The following IQCH variants were observed in gnomAD, a reference collection of about 807,000 sequenced individuals.
The protein encoded by IQCH is IQ domain-containing protein H.
In IQCH, 98 loss-of-function variants were observed where a neutral mutation model predicts 117.0. The ratio of observed to expected loss-of-function variants is 0.84; its 90% CI spans 0.71 to 0.99. IQCH has a LOEUF of 0.99. IQCH is among the 50% of genes least tolerant of loss of function. The probability of loss-of-function intolerance (pLI) is 0.00; values close to 1 mark genes in which losing one functional copy is unlikely to be tolerated. For synonymous variants in IQCH, 412 were observed against 448.2 expected (o/e 0.92, Z 1.02); for missense variants, 1,102 against 1,243.8 (o/e 0.89, Z 1.72).
intron 4 of IQCH, among the ~76,000 whole-genome samples, chr15:67,313,267 G>A (rs1291087664): frequency 6.6e-6 from 1 of 152,106 alleles, no homozygotes; most frequent in Admixed American, 6.5e-5. Context: ...GAGAATCAGA[G>A]GACTTGGGTT....
intron 6 of IQCH, among the ~76,000 whole-genome samples, chr15:67,355,799 C>T (rs764756228): frequency 7.9e-5 from 12 of 152,160 alleles, no homozygotes; most frequent in African/African-American, 2.9e-4. Context: ...TCATAAAATC[C>T]AAGGCCACAT....
Position 67,344,025 on chromosome 15 carries a change from T to G in IQCH, c.509-38T>G, listed in dbSNP as rs755077195. 24 of 1,586,904 alleles carry G rather than the reference T, an allele frequency of 1.5e-5. 1 individual carries two copies. The South Asian group carries it at 2.7e-4, about 18-fold the overall frequency. On this transcript the variant is annotated intron_variant, in intron 5 of 20. Transcript: ENST00000335894. The stretch of plus-strand genomic sequence containing the variant: ...AGAGCTCAGACTTTGTGGAATTGCT[T>G]GGAATTAAACTCACATTTTATTAAT...
intron 4 of IQCH, among the ~76,000 whole-genome samples, chr15:67,297,274 G>T (rs1184906841): frequency 1.3e-5 from 2 of 152,098 alleles, no homozygotes; most frequent in Non-Finnish European, 2.9e-5. Context: ...TTAAGAAAAT[G>T]TATTTTTGAA....
intron 16 of IQCH, among the ~76,000 whole-genome samples, chr15:67,464,745 C>G (rs909264011): frequency 1.3e-5 from 2 of 152,210 alleles, no homozygotes; most frequent in African/African-American, 4.8e-5. Flanking sequence ...TCTTTCTGCT[C>G]TACTGTAGTT....
chr15:67,278,015 G>A (rs1426904063), intron 3 of IQCH, among the ~76,000 whole-genome samples: 2 of 152,098 alleles, frequency 1.3e-5, no homozygotes, highest in Non-Finnish European at 2.9e-5. Context: ...TCTATAATTA[G>A]GTGTCAGTCT....
chr15:67,351,374 G>A (rs991214259), intron 6 of IQCH, among the ~76,000 whole-genome samples: 4 of 152,096 alleles, frequency 2.6e-5, no homozygotes, highest in Admixed American at 6.5e-5. Context: ...GTTTGCTGAA[G>A]GTGATGGTTT....
chr15:67,279,040 T>C (rs1206035032), intron 3 of IQCH, among the ~76,000 whole-genome samples: 1 of 152,226 alleles, frequency 6.6e-6, no homozygotes, highest in Non-Finnish European at 1.5e-5. Flanking sequence ...TAACGTTGGT[T>C]ATACTGTAAT....
chr15:67,313,760 G>A (rs1314944053), intron 4 of IQCH, among the ~76,000 whole-genome samples: 1 of 152,110 alleles, frequency 6.6e-6, no homozygotes, highest in Non-Finnish European at 1.5e-5. Flanking sequence ...TAGAAGGCAG[G>A]GCTTAATGCA....
At chr15:67,326,618 T>C (rs28655729) in intron 4 of IQCH, among the ~76,000 whole-genome samples, 25,982 of 152,074 alleles carry the variant, frequency 0.17, 2,421 homozygotes, top group Admixed American at 0.26. Context: ...CCACATCCTC[T>C]CCAGCCCCTG....
At chr15:67,256,576 A>T (rs1965220388) in intron 1 of IQCH, among the ~76,000 whole-genome samples, 1 of 152,202 alleles carries the variant, frequency 6.6e-6, no homozygotes, top group Non-Finnish European at 1.5e-5. Flanking sequence ...ATCACCTCCC[A>T]GTAGCCAGGA....
rs2083168762 is a variant in IQCH at position 67,474,984 on chromosome 15, CA to C, written c.2677-708del. On this transcript the variant is annotated intron_variant, in intron 17 of 20. Transcript: ENST00000335894. The surrounding 1 kb of genome is among the most constrained non-coding windows in gnomAD (Gnocchi z 4.1). ...CAAACTGAAATTGAGAGAGATTTCA[CA>C]AAATGCTTGCCCATTACTCCTCGGA... Among the ~76,000 whole-genome samples the C allele has an allele frequency of 6.6e-6, 1 of 152,122 alleles. No homozygotes were observed. Among genetic ancestry groups the C allele is most frequent in the Non-Finnish European group, 1.5e-5 (1 of 68,016 alleles).
At chr15:67,371,311 T>G in intron 8 of IQCH, 1 of 369,742 alleles carries the variant, frequency 2.7e-6, no homozygotes, top group East Asian at 4.9e-5. Flanking sequence ...AAAAAATTGC[T>G]CAGCATCCGA....
At chr15:67,306,586 G>T (rs868271464) in intron 4 of IQCH, among the ~76,000 whole-genome samples, 1 of 152,062 alleles carries the variant, frequency 6.6e-6, no homozygotes, top group Non-Finnish European at 1.5e-5. Context: ...TTATGAAGTG[G>T]TGTATTCCTC....
At chr15:67,396,110 A>G (rs1415573745) in intron 13 of IQCH, among the ~76,000 whole-genome samples, 1 of 152,228 alleles carries the variant, frequency 6.6e-6, no homozygotes, top group Admixed American at 6.5e-5. Flanking sequence ...ATCTGCTATC[A>G]ATATTTAATG....
Position 67,411,854 on chromosome 15 carries a change from T to C in IQCH, c.2098-5077T>C, listed in dbSNP as rs1489590840. Reference sequence around the variant, plus strand: ...GACATCTCTTCCTTCAAATTTACACTTTCTTGATAGAAAAAGAGAGAGCAA... The same window carrying C: ...GACATCTCTTCCTTCAAATTTACACCTTCTTGATAGAAAAAGAGAGAGCAA... On this transcript the variant is annotated intron_variant, in intron 14 of 20. Coordinates refer to ENST00000335894, the MANE Select transcript of IQCH (RefSeq NM_001031715.3). The surrounding 1 kb of genome is among the most constrained non-coding windows in gnomAD (Gnocchi z 4.4). 6.6e-6 allele frequency among the ~76,000 whole-genome samples: 1 copy of C among 152,246 alleles called. No individual in the cohort carries two copies. The highest frequency in any genetic ancestry group is 2.4e-5 in the African/African-American group (1 of 41,468).
In IQCH at chr15:67,343,818, ATTACT is replaced by A. The variant is rs566098211; in HGVS notation, c.509-241_509-237del. On this transcript the variant is annotated intron_variant, in intron 5 of 20. Transcript: ENST00000335894. ...AATTATATTTCCACCTTAAAATGAA[ATTACT>A]TTAGTGCAATTTTATTTCATATTAC... Among the ~76,000 whole-genome samples, 12 of 152,318 alleles carry A rather than the reference ATTACT, an allele frequency of 7.9e-5. No homozygotes were observed. In the South Asian group the frequency reaches 2.5e-3, roughly 32 times the overall value.
intron 16 of IQCH, among the ~76,000 whole-genome samples, chr15:67,437,322 C>T (rs746892700): frequency 6.6e-6 from 1 of 152,184 alleles, no homozygotes; most frequent in Non-Finnish European, 1.5e-5. Flanking sequence ...CACTGCATTT[C>T]AGCTCACAGG....
rs753212872 is a variant in IQCH, at chr15:67,372,367, T to G, written c.1010T>G (p.Leu337Arg). The change falls in exon 9 of 21, where the codon CTT (leucine) becomes CGT (arginine). Residue 337 changes from leucine (L) to arginine (R), a missense_variant. By Grantham distance (102) the Leu-to-Arg change is moderately radical. Coordinates refer to ENST00000335894, the MANE Select transcript of IQCH (RefSeq NM_001031715.3). Reference sequence around the variant, plus strand: ...CCAGAGTTTGAGCTGACGAATAAACTTACCAGATATGACCTTCTCTCAGTG... The same window carrying G: ...CCAGAGTTTGAGCTGACGAATAAACGTACCAGATATGACCTTCTCTCAGTG... ...LLPEFELTNK[L>R]TRYDLLSVLE... 2.1e-5 allele frequency: 34 copies of G among 1,614,024 alleles called. No homozygotes were observed. Among genetic ancestry groups the G allele is most frequent in the Non-Finnish European group, 2.9e-5 (34 of 1,180,014 alleles).
At chr15:67,290,621 A>G (rs1291552763) in intron 4 of IQCH, among the ~76,000 whole-genome samples, 2 of 152,110 alleles carry the variant, frequency 1.3e-5, no homozygotes, top group Non-Finnish European at 2.9e-5. Flanking sequence ...ATTTTTTTGA[A>G]TAGAAGAAAT....
Sources: gnomAD v4.1 joint callset for allele counts (sites outside exome capture counted in the v4.1 genomes callset) on GRCh38, gnomAD v4.1.1 for gene constraint, Gnocchi (gnomAD v3.1) non-coding constraint, MANE v1.5 for transcripts, NCBI Gene and HGNC (gene_info 2026-07-23, HGNC 2026-07-21) for gene names.